Variants in KCNJ1 observed in about 807,000 individuals in gnomAD.
KCNJ1 encodes the protein potassium inwardly rectifying channel subfamily J member 1.
A neutral mutation model predicts 21.9 loss-of-function variants in KCNJ1; 24 were observed. That is an observed-to-expected ratio of 1.10 (90% confidence interval 0.79 to 1.54). The LOEUF (loss-of-function observed/expected upper bound fraction) is 1.54, where lower values mean the gene tolerates loss of function less well. KCNJ1 is among the 40% of genes most tolerant of loss of function. The pLI, the probability that KCNJ1 is intolerant of heterozygous loss-of-function variation, is 0.00. For synonymous variants in KCNJ1, 152 were observed against 160.9 expected, an observed-to-expected ratio of 0.94 and a Z score of 0.42; for missense variants, 457 against 455.4, an observed-to-expected ratio of 1.00 and a Z score of -0.03.
intron 1 of KCNJ1, among the ~76,000 whole-genome samples, chr11:128,856,078 G>A (rs969550600): frequency 2.0e-5 from 3 of 151,568 alleles, no homozygotes; most frequent in East Asian, 1.9e-4. Flanking sequence ...CAGAACTTCC[G>A]GGCGGGAAAA....
At position 128,839,895 on chromosome 11, in the gene KCNJ1, G is replaced by A; in HGVS notation, c.349C>T (p.Leu117=). ...TATCCAATGGTCACTTGAGTCTCCA[G>A]AGAAAACAGAAAAGCTGAGGTCAAG... is the stretch of plus-strand genomic sequence containing the variant. ...NGLTSAFLFS[L]ETQVTIGYGF... Residue 117 remains leucine, a synonymous_variant, in exon 3 of 3, where the codon CTG becomes TTG. Coordinates refer to ENST00000392666, the MANE Select transcript of KCNJ1 (RefSeq NM_153766.3). 1 of 1,614,176 alleles carries A rather than the reference G, an allele frequency of 6.2e-7. No homozygotes were observed. Among genetic ancestry groups the A allele is most frequent in the East Asian group, 2.2e-5 (1 of 44,896 alleles).
In KCNJ1 at chr11:128,854,529, G is replaced by C. The variant is rs533455722; in HGVS notation, c.-191-3639C>G. 2.3e-4 allele frequency among the ~76,000 whole-genome samples: 35 copies of C among 152,224 alleles called. No individual in the cohort carries two copies. In the South Asian group the frequency reaches 7.1e-3, roughly 31 times the overall value. On this transcript the variant is annotated intron_variant, in intron 1 of 2. Coordinates refer to ENST00000392666, the MANE Select transcript of KCNJ1 (RefSeq NM_153766.3). ...ACCACATACACCAAGGAGAGAGAGG[G>C]ATGGAACGTGACTGGGATGGGGACC... is the stretch of plus-strand genomic sequence containing the variant.
At chr11:128,849,401 G>C (rs1943443085) in intron 2 of KCNJ1, among the ~76,000 whole-genome samples, 1 of 152,350 alleles carries the variant, frequency 6.6e-6, no homozygotes, top group Middle Eastern at 3.4e-3. Flanking sequence ...TCACATGAGA[G>C]GGTGAGAGCT....
At position 128,838,956 on chromosome 11, in the gene KCNJ1, A is replaced by C. The variant is rs1943215533; in HGVS notation, c.*169T>G. 1.6e-6 allele frequency: 1 copy of C among 639,546 alleles called. No individual in the cohort carries two copies. The highest frequency in any genetic ancestry group is 1.9e-5 in the South Asian group (1 of 53,602). The allele number at this position is 639,546 out of a possible 1,614,324, so 39.6% of individuals were successfully genotyped here. ...ACGTTCTAATACAGTAGCCTTGTGG[A>C]GATGCATGTCTTGTGGGATCACAAT... On this transcript the variant is annotated 3_prime_UTR_variant, in exon 3 of 3. Coordinates refer to ENST00000392666, the MANE Select transcript of KCNJ1 (RefSeq NM_153766.3).
At chr11:128,862,594 T>G (rs1007637776) in intron 1 of KCNJ1, among the ~76,000 whole-genome samples, 1 of 152,206 alleles carries the variant, frequency 6.6e-6, no homozygotes, top group Non-Finnish European at 1.5e-5. Context: ...TTCGCTGATG[T>G]GTCATGCAGC....
Position 128,840,277 on chromosome 11 carries a change from C to G in KCNJ1, c.-21-13G>C, listed in dbSNP as rs1344529796. On this transcript the variant is annotated splice_polypyrimidine_tract_variant and intron_variant, in intron 2 of 2. Transcript: ENST00000392666. ...TCAACACCCTGATCTGAAAACACATCAAAGAAAAACAAAAAAGGATTATGT... is the reference window on the plus strand; with the variant it reads ...TCAACACCCTGATCTGAAAACACATGAAAGAAAAACAAAAAAGGATTATGT... 6.2e-7 allele frequency: 1 copy of G among 1,612,970 alleles called. No individual in the cohort carries two copies. Among genetic ancestry groups the G allele is most frequent in the Non-Finnish European group, 8.5e-7 (1 of 1,179,216 alleles).
chr11:128,848,096 G>A (rs982720671), intron 2 of KCNJ1, among the ~76,000 whole-genome samples: 1 of 151,956 alleles, frequency 6.6e-6, no homozygotes, highest in Non-Finnish European at 1.5e-5. Flanking sequence ...AGACCATCCT[G>A]GCTAACATGG....
chr11:128,859,440 G>C (rs1943657073), intron 1 of KCNJ1, among the ~76,000 whole-genome samples: 1 of 152,082 alleles, frequency 6.6e-6, no homozygotes, highest in Admixed American at 6.5e-5. Context: ...GTAGAGATGA[G>C]GTCTCACTAG....
chr11:128,862,262 A>T (rs1261759881), intron 1 of KCNJ1, among the ~76,000 whole-genome samples: 1 of 152,186 alleles, frequency 6.6e-6, no homozygotes, highest in Non-Finnish European at 1.5e-5. Context: ...ACTCTCTGGC[A>T]GCCTCCGTCC....
At chr11:128,856,607 C>G (rs1375981197) in intron 1 of KCNJ1, among the ~76,000 whole-genome samples, 1 of 152,230 alleles carries the variant, frequency 6.6e-6, no homozygotes, top group African/African-American at 2.4e-5. Flanking sequence ...TCTTTTCCTT[C>G]TTAGCACTGA....
At chr11:128,865,995 A>T (rs577059281) in intron 1 of KCNJ1, among the ~76,000 whole-genome samples, 22 of 152,316 alleles carry the variant, frequency 1.4e-4, no homozygotes, top group Middle Eastern at 3.4e-3. Flanking sequence ...CTTACACAGA[A>T]GAAATCCACC....
intron 1 of KCNJ1, among the ~76,000 whole-genome samples, chr11:128,858,647 T>A (rs889138334): frequency 1.3e-5 from 2 of 152,232 alleles, no homozygotes; most frequent in African/African-American, 4.8e-5. Flanking sequence ...CATTAACAGA[T>A]CTCACTGTGT....
rs146836653 is a variant in KCNJ1 at position 128,842,453 on chromosome 11, G to A, written c.-21-2189C>T. The A allele has an allele frequency of 4.0e-4, 641 of 1,613,606 alleles. 1 individual carries two copies. The African/African-American group carries it at 8.0e-3, about 20-fold the overall frequency. The stretch of plus-strand genomic sequence containing the variant: ...AGCAAGGAAGTGGTGCTGGTTGTTG[G>A]TCTTTCTATGCAGACTGATTTCTTT... On this transcript the variant is annotated intron_variant, in intron 2 of 2. Transcript: ENST00000392666.
intron 1 of KCNJ1, among the ~76,000 whole-genome samples, chr11:128,855,599 G>T (rs1447533902): frequency 6.6e-6 from 1 of 152,192 alleles, no homozygotes; most frequent in Non-Finnish European, 1.5e-5. Flanking sequence ...TGTAGAGCTG[G>T]GCTTAAACGT....
chr11:128,839,559 T>C lies in KCNJ1; in HGVS notation c.685A>G (p.Asn229Asp). The C allele has an allele frequency of 6.2e-7, 1 of 1,614,190 alleles. No homozygotes were observed. Among genetic ancestry groups the C allele is most frequent in the Non-Finnish European group, 8.5e-7 (1 of 1,180,028 alleles). ...CCAGCGTCAACTACAAAGTTGATAT[T>C]GATCTGGTCCAAAATAATGGTCTCT... ...EGETIILDQI[N>D]INFVVDAGNE... The change falls in exon 3 of 3, where the codon AAT becomes GAT. Residue 229 changes from asparagine to aspartate, a missense_variant. Coordinates refer to ENST00000392666, the MANE Select transcript of KCNJ1 (RefSeq NM_153766.3).
In KCNJ1 at chr11:128,838,409, G is replaced by C. The variant is rs1002652246; in HGVS notation, c.*716C>G. The C allele has an allele frequency of 3.9e-5, 6 of 152,294 alleles. No homozygotes were observed. Among genetic ancestry groups the C allele is most frequent in the African/African-American group, 1.4e-4 (6 of 41,448 alleles). 9.4% of individuals were successfully genotyped at this position (152,294 alleles called of 1,614,324 possible). A position where few individuals can be genotyped will look rare whatever the true frequency, so the allele number is the denominator to read the frequency against. Reference sequence around the variant, plus strand: ...TTGCACCTTCCAACTCCTCATTGCTGTCTTCGAAGAGCAGGAAATGCTCTT... The same window carrying C: ...TTGCACCTTCCAACTCCTCATTGCTCTCTTCGAAGAGCAGGAAATGCTCTT... On this transcript the variant is annotated 3_prime_UTR_variant, in exon 3 of 3. Coordinates refer to ENST00000392666, the MANE Select transcript of KCNJ1 (RefSeq NM_153766.3).
At chr11:128,846,574 C>A (rs1029773264) in intron 2 of KCNJ1, among the ~76,000 whole-genome samples, 2 of 152,068 alleles carry the variant, frequency 1.3e-5, no homozygotes, top group East Asian at 3.9e-4. Context: ...CCTCCCAGTG[C>A]GCAACAGAAG....
At chr11:128,858,175 C>T (rs1039625373) in intron 1 of KCNJ1, among the ~76,000 whole-genome samples, 6 of 143,164 alleles carry the variant, frequency 4.2e-5, no homozygotes, top group South Asian at 2.2e-4. Context: ...CGAGGGATGG[C>T]GAGGGATGGG....
intron 1 of KCNJ1, among the ~76,000 whole-genome samples, chr11:128,862,140 T>C (rs1210253200): frequency 1.3e-5 from 2 of 152,122 alleles, no homozygotes; most frequent in African/African-American, 4.8e-5. Flanking sequence ...AAGGGGCAAC[T>C]TTGTAGAAAT....
Sources: gnomAD v4.1 joint callset for allele counts (sites outside exome capture counted in the v4.1 genomes callset) on GRCh38, gnomAD v4.1.1 for gene constraint, MANE v1.5 for transcripts, NCBI Gene and HGNC (gene_info 2026-07-23, HGNC 2026-07-21) for gene names.